Variants in PKIB observed in about 807,000 individuals in gnomAD.
PKIB encodes the protein PKI-beta.
PKIB carries 2 observed loss-of-function variants against 4.5 expected under a neutral mutation model. The ratio of observed to expected loss-of-function variants is 0.44; its 90% confidence interval spans 0.18 to 1.39. The LOEUF is 1.39. Ranked by LOEUF, PKIB falls within the 40% of genes most tolerant of loss-of-function variation. The probability of loss-of-function intolerance (pLI) is 0.27; values close to 1 mark genes in which losing one functional copy is unlikely to be tolerated. For synonymous variants in PKIB, 38 were observed against 36.0 expected (o/e 1.06, Z -0.20); for missense variants, 94 against 92.6 (o/e 1.02, Z -0.06).
intron 2 of PKIB, among the ~76,000 whole-genome samples, chr6:122,669,980 T>C (rs1240808011): frequency 1.3e-5 from 2 of 151,830 alleles, no homozygotes; most frequent in South Asian, 2.1e-4. Context: ...GCAGGTGCTA[T>C]AGGGCTGGTA....
intron 1 of PKIB, among the ~76,000 whole-genome samples, chr6:122,476,841 TC>T (rs1178465977): frequency 6.6e-6 from 1 of 152,184 alleles, no homozygotes; most frequent in Non-Finnish European, 1.5e-5. Flanking sequence ...CTGAAGAAAT[TC>T]TTCACATTCA....
At chr6:122,533,801 C>T (rs1401923099) in intron 2 of PKIB, among the ~76,000 whole-genome samples, 2 of 152,020 alleles carry the variant, frequency 1.3e-5, no homozygotes, top group Non-Finnish European at 2.9e-5. Context: ...CTGCGTTTTC[C>T]TCTTATTACT....
At chr6:122,627,630 C>T (rs1268899092) in intron 1 of PKIB, among the ~76,000 whole-genome samples, 1 of 152,178 alleles carries the variant, frequency 6.6e-6, no homozygotes, top group African/African-American at 2.4e-5. Context: ...CAACAATCAA[C>T]CCTGGCATAA....
intron 3 of PKIB, among the ~76,000 whole-genome samples, chr6:122,676,839 G>C (rs903132477): frequency 6.6e-6 from 1 of 152,106 alleles, no homozygotes; most frequent in Admixed American, 6.6e-5. Context: ...ATAGCTTTGT[G>C]GCATTAGTTT....
At chr6:122,677,926 G>A (rs568969963) in intron 3 of PKIB, among the ~76,000 whole-genome samples, 326 of 146,190 alleles carry the variant, frequency 2.2e-3, no homozygotes, top group African/African-American at 8.2e-3. Flanking sequence ...TTTTTTGTTT[G>A]AAATGGAGTC....
At chr6:122,717,404 G>C (rs187745023) in intron 3 of PKIB, among the ~76,000 whole-genome samples, 9 of 152,242 alleles carry the variant, frequency 5.9e-5, no homozygotes, top group African/African-American at 2.2e-4. Context: ...ATCACCACAA[G>C]CAAATACTGG....
intron 1 of PKIB, among the ~76,000 whole-genome samples, chr6:122,631,122 T>A (rs2114819308): frequency 6.6e-6 from 1 of 152,318 alleles, no homozygotes; most frequent in Non-Finnish European, 1.5e-5. Flanking sequence ...TTACACACAC[T>A]CTACATTTCT....
chr6:122,635,993 TATTTTCTTCA>T (rs1280703494), intron 2 of PKIB, among the ~76,000 whole-genome samples: 1 of 152,188 alleles, frequency 6.6e-6, no homozygotes, highest in Admixed American at 6.5e-5. Context: ...AAAAGACTAA[TATTTTCTTCA>T]TTTTTCTTAT....
chr6:122,522,830 G>A (rs950130652), intron 2 of PKIB, among the ~76,000 whole-genome samples: 4 of 152,236 alleles, frequency 2.6e-5, no homozygotes, highest in Admixed American at 2.0e-4. Context: ...CTCGCTGGGA[G>A]CTGCAGACTG....
chr6:122,492,532 A>G (rs1393629869), intron 2 of PKIB, among the ~76,000 whole-genome samples: 12 of 152,198 alleles, frequency 7.9e-5, no homozygotes, highest in Admixed American at 4.6e-4. Flanking sequence ...AATGGACTTA[A>G]GAGACATTCT....
chr6:122,602,420 G>T (rs896961073), intron 3 of PKIB, among the ~76,000 whole-genome samples: 1 of 152,180 alleles, frequency 6.6e-6, no homozygotes, highest in African/African-American at 2.4e-5. Context: ...ATGCATCTTA[G>T]CCTCAATGTT....
At chr6:122,593,125 A>C (rs1189408726) in intron 3 of PKIB, among the ~76,000 whole-genome samples, 1 of 152,176 alleles carries the variant, frequency 6.6e-6, no homozygotes, top group African/African-American at 2.4e-5. Flanking sequence ...GAATTTGTTT[A>C]CTGGAATGAA....
intron 2 of PKIB, among the ~76,000 whole-genome samples, chr6:122,505,489 A>G (rs1393170950): frequency 6.6e-6 from 1 of 152,178 alleles, no homozygotes; most frequent in East Asian, 1.9e-4. Flanking sequence ...GCATCTGTAG[A>G]CTAAAAGTAA....
chr6:122,585,618 A>G (rs577095991), intron 2 of PKIB: 204 of 152,280 alleles, frequency 1.3e-3, no homozygotes, highest in African/African-American at 4.7e-3. Flanking sequence ...CTAAAGCTAA[A>G]GAAACATTAA....
At chr6:122,642,847 T>C (rs1316353401) in intron 2 of PKIB, among the ~76,000 whole-genome samples, 3 of 152,240 alleles carry the variant, frequency 2.0e-5, no homozygotes, top group Non-Finnish European at 4.4e-5. Flanking sequence ...TGGTCTCAGG[T>C]ATTCTTCATA....
chr6:122,646,305 A>G (rs1014346020), intron 2 of PKIB, among the ~76,000 whole-genome samples: 3 of 152,300 alleles, frequency 2.0e-5, no homozygotes, highest in Admixed American at 2.0e-4. Context: ...TATCAGCCCC[A>G]GTTACATTAT....
At chr6:122,486,686 T>A (rs1418902256) in intron 2 of PKIB, among the ~76,000 whole-genome samples, 1 of 152,178 alleles carries the variant, frequency 6.6e-6, no homozygotes, top group African/African-American at 2.4e-5. Context: ...TTCTGCTTTA[T>A]GGTATTCTAG....
intron 2 of PKIB, among the ~76,000 whole-genome samples, chr6:122,562,893 A>G (rs963201223): frequency 2.0e-5 from 3 of 149,334 alleles, no homozygotes; most frequent in Non-Finnish European, 4.5e-5. Context: ...ATTTCCTTGC[A>G]TTGGGCTTCA....
intron 3 of PKIB, among the ~76,000 whole-genome samples, chr6:122,600,058 T>C (rs1774316359): frequency 6.6e-6 from 1 of 151,370 alleles, no homozygotes; most frequent in Non-Finnish European, 1.5e-5. Context: ...CAAAGGGGAG[T>C]TTATTAAGTA....
Sources: allele counts gnomAD v4.1 joint callset (sites outside exome capture counted in the v4.1 genomes callset), GRCh38; gene constraint gnomAD v4.1.1; transcripts MANE v1.5; gene names NCBI Gene and HGNC (gene_info 2026-07-23, HGNC 2026-07-21).